The following AGBL1 variants were observed in gnomAD, a reference collection of about 807,000 sequenced individuals.
AGBL1 encodes AGBL carboxypeptidase 1, also known as cytosolic carboxypeptidase 4.
AGBL1 carries 130 observed loss-of-function variants against 118.9 expected under a neutral mutation model. The observed-to-expected ratio is 1.09, with a 90% CI of 0.95 to 1.26. The LOEUF is 1.26. Ranked by LOEUF, AGBL1 falls within the 50% of genes most tolerant of loss-of-function variation. AGBL1 has a pLI of 0.00. For synonymous variants in AGBL1, 555 were observed against 478.9 expected, an observed-to-expected ratio of 1.16 and a Z score of -2.08; for missense variants, 1,584 against 1,298.1, an observed-to-expected ratio of 1.22 and a Z score of -3.38.
chr15:86,225,220 C>T (rs966172766), intron 6 of AGBL1, among the ~76,000 whole-genome samples: 2 of 151,864 alleles, frequency 1.3e-5, no homozygotes, highest in Non-Finnish European at 2.9e-5. Flanking sequence ...ACAATGGACC[C>T]TAAAGGGGGT....
At chr15:86,328,702 C>A (rs897543949) in intron 17 of AGBL1, among the ~76,000 whole-genome samples, 3 of 152,058 alleles carry the variant, frequency 2.0e-5, no homozygotes, top group Non-Finnish European at 2.9e-5. Context: ...AGACAGCCTC[C>A]CTCTGTGACT....
chr15:86,450,391 G>A (rs1369728565), intron 18 of AGBL1, among the ~76,000 whole-genome samples: 1 of 152,174 alleles, frequency 6.6e-6, no homozygotes, highest in Non-Finnish European at 1.5e-5. Flanking sequence ...GGCTGGGTCG[G>A]ATGTACAGTC....
intron 17 of AGBL1, among the ~76,000 whole-genome samples, chr15:86,364,988 T>TATATATATATAC (rs1382882995): frequency 9.7e-6 from 1 of 103,584 alleles, no homozygotes; most frequent in East Asian, 2.8e-4. Flanking sequence ...TATATATATA[T>TATATATATATAC]ACACACACAC....
At chr15:86,097,682 A>G (rs1896466522) in intron 1 of AGBL1, among the ~76,000 whole-genome samples, 1 of 152,102 alleles carries the variant, frequency 6.6e-6, no homozygotes, top group South Asian at 2.1e-4. Context: ...ATGGCTGAAT[A>G]GTATGCCATT....
intron 18 of AGBL1, among the ~76,000 whole-genome samples, chr15:86,449,389 G>T (rs2082165840): frequency 2.0e-5 from 3 of 152,220 alleles, no homozygotes; most frequent in African/African-American, 7.2e-5. Context: ...TTTCAAGTGG[G>T]TTATGAGATC....
chr15:86,209,583 C>G (rs1269582007), intron 5 of AGBL1, among the ~76,000 whole-genome samples: 1 of 152,048 alleles, frequency 6.6e-6, no homozygotes, highest in African/African-American at 2.4e-5. Context: ...TTCTTTGTCT[C>G]TTTTGATCTT....
chr15:86,794,125 A>G (rs1371644424), intron 22 of AGBL1, among the ~76,000 whole-genome samples: 1 of 152,222 alleles, frequency 6.6e-6, no homozygotes, highest in Non-Finnish European at 1.5e-5. Flanking sequence ...TGGAAAACAT[A>G]TGTTCAAACA....
At chr15:86,237,408 C>G (rs2078569853) in intron 6 of AGBL1, among the ~76,000 whole-genome samples, 2 of 152,146 alleles carry the variant, frequency 1.3e-5, no homozygotes, top group Non-Finnish European at 2.9e-5. Flanking sequence ...TGGCCAGAAG[C>G]AGGCAGCATC....
intron 24 of AGBL1, among the ~76,000 whole-genome samples, chr15:86,990,786 G>A (rs186688431): frequency 4.4e-4 from 67 of 152,266 alleles, no homozygotes; most frequent in East Asian, 1.5e-3. Flanking sequence ...GTCTACCTCC[G>A]AAGGTGGTTC....
chr15:86,099,603 G>A (rs932466599), intron 1 of AGBL1, among the ~76,000 whole-genome samples: 31 of 150,238 alleles, frequency 2.1e-4, no homozygotes, highest in African/African-American at 4.9e-4. Flanking sequence ...GCAGTGGTGC[G>A]ATCTTGGCTC....
intron 22 of AGBL1, among the ~76,000 whole-genome samples, chr15:86,716,431 T>C (rs910896099): frequency 9.9e-5 from 15 of 152,190 alleles, no homozygotes; most frequent in Non-Finnish European, 2.1e-4. Context: ...GTCACTTCCA[T>C]TTCATGTGAC....
chr15:86,716,283 C>T (rs1389501712), intron 22 of AGBL1, among the ~76,000 whole-genome samples: 1 of 151,906 alleles, frequency 6.6e-6, no homozygotes, highest in Non-Finnish European at 1.5e-5. Context: ...AAATACTCAA[C>T]CCAGTCCTTT....
chr15:86,727,887 A>G (rs933756772), intron 22 of AGBL1, among the ~76,000 whole-genome samples: 7 of 152,244 alleles, frequency 4.6e-5, no homozygotes, highest in Admixed American at 2.0e-4. Context: ...ACTCGGAAAT[A>G]TAAGAACAGG....
chr15:86,458,362 C>T (rs913311833), intron 18 of AGBL1, among the ~76,000 whole-genome samples: 14 of 152,042 alleles, frequency 9.2e-5, no homozygotes, highest in South Asian at 4.1e-4. Context: ...AATTTACATT[C>T]GTGTACCAAG....
At chr15:86,877,825 C>A in intron 22 of AGBL1, among the ~76,000 whole-genome samples, 1 of 152,172 alleles carries the variant, frequency 6.6e-6, no homozygotes, top group Non-Finnish European at 1.5e-5. Context: ...CGTGACCTCC[C>A]CATCTCATGA....
At chr15:86,607,088 T>C (rs867642541) in intron 21 of AGBL1, among the ~76,000 whole-genome samples, 1 of 152,208 alleles carries the variant, frequency 6.6e-6, no homozygotes, top group Non-Finnish European at 1.5e-5. Context: ...CAGATTGGCT[T>C]CTTTCACTTA....
downstream of AGBL1, among the ~76,000 whole-genome samples, chr15:87,029,813 A>C (rs1200288162): frequency 6.6e-6 from 1 of 151,988 alleles, no homozygotes; most frequent in East Asian, 1.9e-4. Context: ...ACATACACAC[A>C]CACACGTACA....
At chr15:86,698,809 G>T (rs1257250403) in intron 22 of AGBL1, among the ~76,000 whole-genome samples, 1 of 151,864 alleles carries the variant, frequency 6.6e-6, no homozygotes, top group African/African-American at 2.4e-5. Flanking sequence ...AGATCCTGCT[G>T]CCATTAATGA....
At chr15:86,858,463 G>GGTGTGTGTGTGT (rs3059715) in intron 22 of AGBL1, among the ~76,000 whole-genome samples, 2,200 of 147,144 alleles carry the variant, frequency 0.015, 50 homozygotes, top group East Asian at 0.11. Context: ...CCTTTCAGGT[G>GGTGTGTGTGTGT]GTGTGTGTGT....
Sources: allele counts gnomAD v4.1 joint callset (sites outside exome capture counted in the v4.1 genomes callset), GRCh38; gene constraint gnomAD v4.1.1; transcripts MANE v1.5; gene names NCBI Gene and HGNC (gene_info 2026-07-23, HGNC 2026-07-21).